Variants in TTC28 observed in about 807,000 individuals in gnomAD.
The protein encoded by TTC28 is tetratricopeptide repeat domain 28, also known as tetratricopeptide repeat protein 28.
Under a neutral mutation model 198.0 loss-of-function variants are expected in TTC28, and 61 were observed. The observed-to-expected ratio is 0.31, with a 90% CI of 0.25 to 0.38. The LOEUF (loss-of-function observed/expected upper bound fraction) is 0.38. Ranked by LOEUF, TTC28 falls within the 10% of genes least tolerant of loss-of-function variation. The pLI is 1.00. For synonymous variants in TTC28, 1,171 were observed against 1,297.8 expected (o/e 0.90, Z 2.10); for missense variants, 2,678 against 3,164.0 (o/e 0.85, Z 3.69).
chr22:27,996,242 T>G lies in TTC28; in HGVS notation c.5137A>C (p.Ser1713Arg). The G allele has an allele frequency of 6.4e-7, 1 of 1,550,956 alleles. No homozygotes were observed. Among genetic ancestry groups the G allele is most frequent in the Non-Finnish European group, 8.7e-7 (1 of 1,146,956 alleles). Reference sequence around the variant, plus strand: ...GAGGGGCTGTTCAGCTTAACGTCACTCCCGATGAGCATGAACCCTGCAGAA... The same window carrying G: ...GAGGGGCTGTTCAGCTTAACGTCACGCCCGATGAGCATGAACCCTGCAGAA... ...SNWAGFMLIGSDVKLNSPSSL... is the reference protein window; with the variant it reads ...SNWAGFMLIGRDVKLNSPSSL... Residue 1713 changes from serine to arginine, a missense_variant, in exon 17 of 23, where the codon AGT becomes CGT. By Grantham distance (110) the Ser-to-Arg change is moderately radical. Around this residue, in one of 8 missense-constraint regions of TTC28, gnomAD observed 314 missense variants for 442.7 expected, o/e 0.71. Transcript: ENST00000397906.
intron 3 of TTC28, 129 bp from the exon 4 acceptor site, chr22:28,297,981 T>A: frequency 9.2e-7 from 1 of 1,089,048 alleles, no homozygotes; most frequent in Non-Finnish European, 1.3e-6. Context: ...GTATAAACTC[T>A]TCAACCTTTA....
In TTC28 at chr22:28,449,893, G is replaced by T. The variant is rs5752745; in HGVS notation, c.382-143250C>A. 3.3e-5 allele frequency among the ~76,000 whole-genome samples: 5 copies of T among 151,838 alleles called. No individual in the cohort carries two copies. In the East Asian group the frequency reaches 5.8e-4, roughly 18 times the overall value. ...GGTCCTAAGAGCCTGTTTCATGAAA[G>T]GAACCAAGAAGGATTTAAAGGTGAT... On this transcript the variant is annotated intron_variant, in intron 2 of 22. Coordinates refer to ENST00000397906, the MANE Select transcript of TTC28 (RefSeq NM_001145418.2).
At chr22:28,197,163 T>G (rs2147143000) in intron 5 of TTC28, among the ~76,000 whole-genome samples, 1 of 149,946 alleles carries the variant, frequency 6.7e-6, no homozygotes, top group East Asian at 2.0e-4. Context: ...CAGCAAACTA[T>G]CGCAAGGACA....
intron 2 of TTC28, among the ~76,000 whole-genome samples, chr22:28,584,016 G>GTTTTTTT (rs67108156): frequency 1.5e-5 from 2 of 132,996 alleles, no homozygotes; most frequent in East Asian, 2.1e-4. Context: ...GTTTTGTTTT[G>GTTTTTTT]TTTTTTTTTT....
chr22:28,259,602 T>G (rs1453808472), intron 5 of TTC28, among the ~76,000 whole-genome samples: 1 of 152,036 alleles, frequency 6.6e-6, no homozygotes. Flanking sequence ...GATCAATGTA[T>G]GTTTCTATGA....
chr22:28,291,250 A>G (rs1017652934), intron 5 of TTC28, among the ~76,000 whole-genome samples: 5 of 152,176 alleles, frequency 3.3e-5, no homozygotes, highest in Non-Finnish European at 5.9e-5. Context: ...TAGCAAATAT[A>G]ATGTATTATA....
chr22:28,342,758 T>G (rs1324279800), intron 2 of TTC28, among the ~76,000 whole-genome samples: 2 of 152,168 alleles, frequency 1.3e-5, no homozygotes, highest in Non-Finnish European at 2.9e-5. Context: ...AATAAGCATA[T>G]CTACACAGTA....
intron 6 of TTC28, among the ~76,000 whole-genome samples, chr22:28,142,170 G>A (rs542826026): frequency 1.2e-4 from 19 of 152,306 alleles, no homozygotes; most frequent in African/African-American, 3.8e-4. Flanking sequence ...AAGGTACATC[G>A]TGAAGGCAGA....
intron 2 of TTC28, among the ~76,000 whole-genome samples, chr22:28,453,477 T>C (rs1185877442): frequency 2.0e-5 from 3 of 152,180 alleles, no homozygotes; most frequent in African/African-American, 7.2e-5. Context: ...CAACATCTCC[T>C]CTAAGATGTC....
chr22:28,006,655 G>T (rs1937940508), intron 14 of TTC28: 3 of 152,244 alleles, frequency 2.0e-5, no homozygotes, highest in Non-Finnish European at 4.4e-5. Context: ...CCTACTTACT[G>T]AGCCACCACC....
At chr22:28,163,907 G>T (rs1314367111) in intron 5 of TTC28, among the ~76,000 whole-genome samples, 1 of 152,178 alleles carries the variant, frequency 6.6e-6, no homozygotes, top group Non-Finnish European at 1.5e-5. Flanking sequence ...AAAGAAAGGG[G>T]TGACAGACGG....
At chr22:28,003,869 A>G (rs1390375014) in intron 14 of TTC28, among the ~76,000 whole-genome samples, 5 of 152,094 alleles carry the variant, frequency 3.3e-5, no homozygotes, top group African/African-American at 9.7e-5. Flanking sequence ...CTGTGGCCCT[A>G]TTGTCAGAAG....
chr22:28,475,758 G>T (rs1048433079), intron 2 of TTC28, among the ~76,000 whole-genome samples: 3 of 152,146 alleles, frequency 2.0e-5, no homozygotes, highest in Admixed American at 2.0e-4. Context: ...GTTTATAAAT[G>T]CCACAGTAGT....
intron 2 of TTC28, among the ~76,000 whole-genome samples, chr22:28,554,585 C>T (rs2049757497): frequency 6.6e-6 from 1 of 152,108 alleles, no homozygotes; most frequent in Non-Finnish European, 1.5e-5. Context: ...AAATAATCAG[C>T]AGAGGTCTGG....
chr22:28,227,217 T>C (rs1928413777), intron 5 of TTC28, among the ~76,000 whole-genome samples: 1 of 152,168 alleles, frequency 6.6e-6, no homozygotes, highest in Non-Finnish European at 1.5e-5. Context: ...ATCTTTACCT[T>C]ACACCATACA....
intron 12 of TTC28, among the ~76,000 whole-genome samples, chr22:28,062,277 T>G (rs1040821384): frequency 1.6e-4 from 25 of 152,028 alleles, no homozygotes; most frequent in African/African-American, 5.6e-4. Flanking sequence ...GTCAGGGTGG[T>G]CTCGAACTCT....
chr22:28,153,395 TAAAA>T (rs55726442), intron 6 of TTC28, among the ~76,000 whole-genome samples: 1 of 97,140 alleles, frequency 1.0e-5, no homozygotes, highest in Admixed American at 1.1e-4. Context: ...CTCAAAGAAT[TAAAA>T]AAAAAAAAAA....
chr22:28,393,685 C>A (rs9620791), intron 2 of TTC28, among the ~76,000 whole-genome samples: 1,740 of 152,186 alleles, frequency 0.011, 31 homozygotes, highest in African/African-American at 0.04. Context: ...CAGAGGGAGA[C>A]CCTGTCTTAA....
chr22:28,355,993 G>A (rs2046072304), intron 2 of TTC28, among the ~76,000 whole-genome samples: 1 of 152,192 alleles, frequency 6.6e-6, no homozygotes, highest in Non-Finnish European at 1.5e-5. Context: ...GGCACCTTCT[G>A]TTGCTTTGGA....
Sources: gnomAD v4.1 joint callset for allele counts (sites outside exome capture counted in the v4.1 genomes callset) on GRCh38, gnomAD v4.1.1 for gene constraint, gnomAD v4.1.1 regional missense constraint, MANE v1.5 for transcripts, NCBI Gene and HGNC (gene_info 2026-07-23, HGNC 2026-07-21) for gene names.